Variants in B4GALNT3 observed in about 807,000 individuals in gnomAD.
B4GALNT3 encodes the protein beta-1,4-N-acetylgalactosaminyltransferase 3.
B4GALNT3 carries 86 observed loss-of-function variants against 120.2 expected under a neutral mutation model. That is an observed-to-expected ratio of 0.72 (90% confidence interval 0.60 to 0.86). The LOEUF is 0.86. B4GALNT3 is among the 40% of genes least tolerant of loss of function. B4GALNT3 has a pLI of 0.00. For missense variants in B4GALNT3, 1,167 were observed against 1,298.9 expected, an observed-to-expected ratio of 0.90 and a Z score of 1.56; for synonymous variants, 518 against 510.4, an observed-to-expected ratio of 1.01 and a Z score of -0.20.
Position 474,848 on chromosome 12 carries a change from C to T in B4GALNT3, c.169+14303C>T, listed in dbSNP as rs549137767. Among the ~76,000 whole-genome samples, 8 of 148,692 alleles carry T rather than the reference C, an allele frequency of 5.4e-5. No individual in the cohort carries two copies. The South Asian group carries it at 1.5e-3, about 28-fold the overall frequency. ...TGGCACTACTATAGTCCCAGCTACT[C>T]GGGAGGCTCAAGATCACTTGAGCCT... On this transcript the variant is annotated intron_variant, in intron 1 of 19. Coordinates refer to ENST00000266383, the MANE Select transcript of B4GALNT3 (RefSeq NM_173593.4).
At chr12:547,884 C>A in intron 7 of B4GALNT3, 140 bp from the exon 8 acceptor site, 1 of 705,066 alleles carries the variant, frequency 1.4e-6, no homozygotes, top group Non-Finnish European at 2.5e-6. Flanking sequence ...GGGGCTCGAA[C>A]CTAGGCAGTT....
intron 1 of B4GALNT3, among the ~76,000 whole-genome samples, chr12:494,160 C>T (rs930747465): frequency 1.3e-5 from 2 of 151,992 alleles, no homozygotes; most frequent in African/African-American, 4.8e-5. Flanking sequence ...GTCCCAGCTA[C>T]TCGGGAGGCT....
At chr12:487,068 T>G (rs1937153945) in intron 1 of B4GALNT3, among the ~76,000 whole-genome samples, 3 of 152,178 alleles carry the variant, frequency 2.0e-5, no homozygotes, top group Admixed American at 2.0e-4. Context: ...AATGGACTCA[T>G]TAGTAGATGG....
At chr12:472,975 ACTTTTT>A (rs1461938886) in intron 1 of B4GALNT3, among the ~76,000 whole-genome samples, 2 of 37,950 alleles carry the variant, frequency 5.3e-5, no homozygotes, top group Non-Finnish European at 1.1e-4. Flanking sequence ...TTGTTCAAAC[ACTTTTT>A]TTTTTTTTTT....
intron 6 of B4GALNT3, 147 bp downstream of exon 6, chr12:545,616 C>A: frequency 1.3e-6 from 1 of 797,852 alleles, no homozygotes; most frequent in Non-Finnish European, 1.9e-6. Flanking sequence ...CACCCCTACC[C>A]CTCTACAAAG....
At position 544,399 on chromosome 12, in the gene B4GALNT3, C is replaced by T; in HGVS notation, c.412C>T (p.Leu138Phe). 12 of 1,613,758 alleles carry T rather than the reference C, an allele frequency of 7.4e-6. No homozygotes were observed. The highest frequency in any genetic ancestry group is 1.0e-5 in the Non-Finnish European group (12 of 1,179,886). Residue 138 changes from leucine (L) to phenylalanine (F), a missense_variant, in exon 4 of 20, where the codon CTC (leucine) becomes TTC (phenylalanine). By Grantham distance (22) the Leu-to-Phe change is conservative. Transcript: ENST00000266383. Reference protein sequence around the residue: ...EDWCGSSIQQLRRNLHFPLYP... With the variant: ...EDWCGSSIQQFRRNLHFPLYP... Reference sequence around the variant, plus strand: ...CTGGTGTGGCAGCTCTATCCAGCAGCTCAGGAGGAACCTGCATTTCCCACT... The same window carrying T: ...CTGGTGTGGCAGCTCTATCCAGCAGTTCAGGAGGAACCTGCATTTCCCACT...
intron 1 of B4GALNT3, among the ~76,000 whole-genome samples, chr12:461,619 G>A (rs1002406119): frequency 4.6e-5 from 7 of 152,202 alleles, no homozygotes; most frequent in Non-Finnish European, 1.0e-4. Flanking sequence ...GGGGAAACTC[G>A]GACAGAGTGG....
chr12:557,991 G>A (rs371156302), intron 16 of B4GALNT3, 25 bp from the exon 17 acceptor site: 41 of 1,612,038 alleles, frequency 2.5e-5, no homozygotes, highest in Admixed American at 6.7e-5. Flanking sequence ...GTCCTGATAC[G>A]CAGCCCTCTC....
At chr12:513,972 T>G (rs1444913242) in intron 1 of B4GALNT3, among the ~76,000 whole-genome samples, 2 of 152,244 alleles carry the variant, frequency 1.3e-5, no homozygotes, top group East Asian at 3.8e-4. Context: ...GATGGACATT[T>G]GCATTGTTTC....
chr12:548,278 C>T lies in B4GALNT3; in HGVS notation c.834C>T (p.Leu278=). The change falls in exon 9 of 20, where the codon CTC becomes CTT. Residue 278 remains leucine, a synonymous_variant. Coordinates refer to ENST00000266383, the MANE Select transcript of B4GALNT3 (RefSeq NM_173593.4). The surrounding 1 kb of genome is among the most constrained non-coding windows in gnomAD (Gnocchi z 4.9). ...CCAAGTTCACCATCATTGACTCCCTCTCCCTGTCCCTCTTCACAAGTGAGT... is the reference window on the plus strand; with the variant it reads ...CCAAGTTCACCATCATTGACTCCCTTTCCCTGTCCCTCTTCACAAGTGAGT... The part of the protein sequence containing the change: ...PGAKFTIIDS[L]SLSLFTNETF... 6.2e-7 allele frequency: 1 copy of T among 1,614,144 alleles called. No homozygotes were observed. Among genetic ancestry groups the T allele is most frequent in the Non-Finnish European group, 8.5e-7 (1 of 1,180,000 alleles).
At chr12:545,514 C>G in intron 6 of B4GALNT3, 45 bp downstream of exon 6, 1 of 1,523,390 alleles carries the variant, frequency 6.6e-7, no homozygotes, top group East Asian at 2.4e-5. Context: ...CTCCTGGAGC[C>G]TGTTCATTGA....
chr12:460,943 G>A lies in B4GALNT3; in HGVS notation c.169+398G>A, dbSNP rs1946016794. On this transcript the variant is annotated intron_variant, in intron 1 of 19. Transcript: ENST00000266383. This position sits in a 1 kb window ranked among gnomAD's most constrained non-coding sequence, Gnocchi z 8.0. ...GTCCACGCGCGAGCTAGGGATTCGG[G>A]TGCGGGATGCCCTCGGCCGTCCACA... Among the ~76,000 whole-genome samples, 1 of 152,200 alleles carries A rather than the reference G, an allele frequency of 6.6e-6. No individual in the cohort carries two copies.
At position 553,765 on chromosome 12, in the gene B4GALNT3, G is replaced by A; in HGVS notation, c.1842G>A (p.Glu614=). The A allele has an allele frequency of 6.2e-7, 1 of 1,614,222 alleles. No individual in the cohort carries two copies. Among genetic ancestry groups the A allele is most frequent in the Non-Finnish European group, 8.5e-7 (1 of 1,180,034 alleles). ...EGEEEGEEEE[E]EEDMSEVFEY... Reference sequence around the variant, plus strand: ...AGGAAGAGGGGGAAGAAGAGGAGGAGGAAGAGGATATGAGTGAGGTGTTCG... The same window carrying A: ...AGGAAGAGGGGGAAGAAGAGGAGGAAGAAGAGGATATGAGTGAGGTGTTCG... The change falls in exon 14 of 20, where the codon GAG becomes GAA. Residue 614 remains glutamate (E), a synonymous_variant. Transcript: ENST00000266383.
rs575077452 is a variant in B4GALNT3 at position 546,798 on chromosome 12, C to T, written c.707+85C>T. ...CGCCCCTGTCCGCCAGCCCAGCTGC[C>T]GACTCCAGAGCTTCCGTGTGTCCGG... On this transcript the variant is annotated intron_variant, in intron 7 of 19. Coordinates refer to ENST00000266383, the MANE Select transcript of B4GALNT3 (RefSeq NM_173593.4). 3.0e-5 allele frequency: 41 copies of T among 1,347,602 alleles called. No individual in the cohort carries two copies. In the African/African-American group the frequency reaches 5.1e-4, roughly 17 times the overall value. 83.5% of individuals were successfully genotyped at this position (1,347,602 alleles called of 1,614,324 possible).
intron 1 of B4GALNT3, among the ~76,000 whole-genome samples, chr12:478,272 A>AT (rs370197985): frequency 2.1e-5 from 1 of 47,558 alleles, no homozygotes; most frequent in Non-Finnish European, 3.9e-5. Flanking sequence ...AAAAAAAAAA[A>AT]TTAGAGGAGG....
chr12:537,786 G>GGCTAGCTTGAGCCACCAA (rs1946876876), intron 3 of B4GALNT3, among the ~76,000 whole-genome samples: 1 of 152,150 alleles, frequency 6.6e-6, no homozygotes, highest in African/African-American at 2.4e-5. Flanking sequence ...GGGTGGTACG[G>GGCTAGCTTGAGCCACCAA]GCTAGCTCAT....
In B4GALNT3 at chr12:512,553, GACCTTCCACCTTCC is replaced by G. The variant is rs1260453642; in HGVS notation, c.170-22599_170-22586del. 1.6e-4 allele frequency among the ~76,000 whole-genome samples: 9 copies of G among 56,042 alleles called. No individual in the cohort carries two copies. In the East Asian group the frequency reaches 3.6e-3, roughly 23 times the overall value. 36.8% of individuals were successfully genotyped at this position (56,042 alleles called of 152,430 possible). Reference sequence around the variant, plus strand: ...CTTCCACCTTCAACCTTCCACCTTCGACCTTCCACCTTCCACCTTCCACCTTCTTCCACCTTCGA... The same window carrying G: ...CTTCCACCTTCAACCTTCCACCTTCGACCTTCCACCTTCTTCCACCTTCGA... On this transcript the variant is annotated intron_variant, in intron 1 of 19. Coordinates refer to ENST00000266383, the MANE Select transcript of B4GALNT3 (RefSeq NM_173593.4).
chr12:561,326 T>C lies in B4GALNT3; in HGVS notation c.2889-17T>C, dbSNP rs1458042137. On this transcript the variant is annotated splice_polypyrimidine_tract_variant and intron_variant, in intron 19 of 19. Transcript: ENST00000266383. The stretch of plus-strand genomic sequence containing the variant: ...TTCTGTGCTTCTGTTGGCTCATCTG[T>C]GTTTCTCCTCCTCCAGGATACTCCA... The C allele has an allele frequency of 1.2e-6, 2 of 1,600,114 alleles. No individual in the cohort carries two copies. Among genetic ancestry groups the C allele is most frequent in the South Asian group, 1.1e-5 (1 of 90,674 alleles).
At position 561,370 on chromosome 12, in the gene B4GALNT3, G is replaced by A. The variant is rs747959008; in HGVS notation, c.2916G>A (p.Glu972=). ...DRILQAGLDV[E]RLSLRNFFHH... ...TACTCCAAGCGGGCCTGGACGTGGA[G>A]CGTCTCTCCCTCAGGAATTTCTTCC... The change falls in exon 20 of 20, where the codon GAG becomes GAA. Residue 972 remains glutamate, a synonymous_variant. Coordinates refer to ENST00000266383, the MANE Select transcript of B4GALNT3 (RefSeq NM_173593.4). 43 of 1,613,954 alleles carry A rather than the reference G, an allele frequency of 2.7e-5. No individual in the cohort carries two copies. The highest frequency in any genetic ancestry group is 3.3e-5 in the Non-Finnish European group (39 of 1,179,974).
Sources: allele counts gnomAD v4.1 joint callset (sites outside exome capture counted in the v4.1 genomes callset), GRCh38; gene constraint gnomAD v4.1.1; non-coding constraint Gnocchi (gnomAD v3.1); transcripts MANE v1.5; gene names NCBI Gene and HGNC (gene_info 2026-07-23, HGNC 2026-07-21).